TTC34: variants seen among roughly 807,000 people sequenced by gnomAD.
The protein encoded by TTC34 is tetratricopeptide repeat protein 34.
A neutral mutation model predicts 40.7 loss-of-function variants in TTC34; 44 were observed. The ratio of observed to expected loss-of-function variants is 1.08; its 90% confidence interval spans 0.85 to 1.39. The LOEUF is 1.39. TTC34 is among the 40% of genes most tolerant of loss of function. The probability of loss-of-function intolerance (pLI) is 0.00; values close to 1 mark genes in which losing one functional copy is unlikely to be tolerated. For synonymous variants in TTC34, 422 were observed against 398.6 expected (o/e 1.06, Z -0.70); for missense variants, 884 against 838.0 (o/e 1.05, Z -0.68).
At chr1:2,787,554 G>A in exon 4 of TTC34, 1 of 1,542,938 alleles carries the variant, frequency 6.5e-7, no homozygotes, top group Non-Finnish European at 8.8e-7. Flanking sequence ...GGCTGCCTGG[G>A]GCCTCCGGGA....
At chr1:2,783,857 CAG>C in intron 5 of TTC34, 82 bp from the exon 6 acceptor site, 1 of 1,295,414 alleles carries the variant, frequency 7.7e-7, no homozygotes, top group Non-Finnish European at 1.0e-6. Context: ...CCGGGGAGGG[CAG>C]AGGGTGCATG....
Position 2,797,992 on chromosome 1 carries a change from C to T in TTC34, c.784+2052G>A, listed in dbSNP as rs183105461. Among the ~76,000 whole-genome samples, 4 of 152,082 alleles carry T rather than the reference C, an allele frequency of 2.6e-5. No individual in the cohort carries two copies. In the East Asian group the frequency reaches 7.7e-4, roughly 29 times the overall value. On this transcript the variant is annotated intron_variant, in intron 2 of 8. Transcript: ENST00000401095. ...CATCAACTCTCTCCTGAACCATTGT[C>T]CCAGCCTCCCAGTCTCTCAGCTGCC... is the stretch of plus-strand genomic sequence containing the variant.
chr1:2,643,431 G>T (rs1303173379), intron 8 of TTC34, among the ~76,000 whole-genome samples: 1 of 152,140 alleles, frequency 6.6e-6, no homozygotes, highest in African/African-American at 2.4e-5. Context: ...CCCCGTTCAG[G>T]AGACCCCATC....
chr1:2,687,943 G>C (rs549205848), intron 6 of TTC34, among the ~76,000 whole-genome samples: 2 of 149,238 alleles, frequency 1.3e-5, no homozygotes, highest in East Asian at 3.9e-4. Context: ...GTGAGCCTCT[G>C]ACAGCCTGGA....
intron 6 of TTC34, among the ~76,000 whole-genome samples, chr1:2,683,232 C>T (rs1366833845): frequency 2.8e-5 from 3 of 108,018 alleles, no homozygotes; most frequent in African/African-American, 3.8e-5. Flanking sequence ...CACCCACACC[C>T]CCAAGTGAGC....
At chr1:2,750,716 A>G (rs1224872504) in intron 6 of TTC34, among the ~76,000 whole-genome samples, 327 of 112,568 alleles carry the variant, frequency 2.9e-3, no homozygotes, top group South Asian at 4.9e-3. Context: ...AGCCTGGAGC[A>G]GCACCCACAC....
chr1:2,686,713 G>C (rs1640368966), intron 6 of TTC34, among the ~76,000 whole-genome samples: 1 of 142,560 alleles, frequency 7.0e-6, no homozygotes, highest in Admixed American at 7.0e-5. Flanking sequence ...GCCTGGAACA[G>C]CACACACACC....
chr1:2,644,735 C>A (rs541666104), intron 7 of TTC34, among the ~76,000 whole-genome samples: 4 of 152,332 alleles, frequency 2.6e-5, no homozygotes, highest in African/African-American at 7.2e-5. Context: ...CTCTCCCGGG[C>A]AACTAGAGGC....
intron 6 of TTC34, among the ~76,000 whole-genome samples, chr1:2,753,118 T>A (rs1468895691): frequency 2.1e-4 from 26 of 125,306 alleles, no homozygotes; most frequent in African/African-American, 7.9e-4. Context: ...TCCGACAGCC[T>A]GGAACAGCAC....
intron 6 of TTC34, among the ~76,000 whole-genome samples, chr1:2,683,439 G>A (rs1315085845): frequency 1.1e-3 from 119 of 106,788 alleles, no homozygotes; most frequent in Middle Eastern, 4.5e-3. Flanking sequence ...TCACCCCCAG[G>A]TGAGCATCCG....
intron 6 of TTC34, among the ~76,000 whole-genome samples, chr1:2,750,974 T>G (rs1265708678): frequency 2.2e-4 from 23 of 102,990 alleles, no homozygotes; most frequent in Non-Finnish European, 3.4e-4. Flanking sequence ...CACCCCCAGG[T>G]GCGCATGTGA....
At chr1:2,692,733 CAGCACCCTGCA>C (rs1640684250) in intron 6 of TTC34, among the ~76,000 whole-genome samples, 1 of 73,106 alleles carries the variant, frequency 1.4e-5, no homozygotes, top group Non-Finnish European at 2.8e-5. Context: ...GAGCCTGGAA[CAGCACCCTGCA>C]CCCCCAGGTG....
rs1263242009 is a variant in TTC34, at chr1:2,683,725, C to G, written c.2227-38162G>C. Among the ~76,000 whole-genome samples the G allele has an allele frequency of 2.1e-5, 3 of 145,900 alleles. No individual in the cohort carries two copies. In the East Asian group the frequency reaches 6.2e-4, roughly 30 times the overall value. On this transcript the variant is annotated intron_variant, in intron 6 of 8. Transcript: ENST00000401095. Reference sequence around the variant, plus strand: ...AACAGCACCCACACCCCCAGGTGAGCAGCTGATATCCTGGAACAGCACCCA... The same window carrying G: ...AACAGCACCCACACCCCCAGGTGAGGAGCTGATATCCTGGAACAGCACCCA...
intron 6 of TTC34, among the ~76,000 whole-genome samples, chr1:2,771,462 C>T (rs1250470254): frequency 2.5e-5 from 2 of 80,888 alleles, no homozygotes; most frequent in African/African-American, 8.8e-5. Context: ...GAGCATCTGA[C>T]AGTCTGGAAC....
rs1638910388 is a variant in TTC34 at position 2,641,749 on chromosome 1, A to C, written c.2859T>G (p.Phe953Leu). Residue 953 changes from phenylalanine (F) to leucine (L), a missense_variant, in exon 9 of 9, where the codon TTT becomes TTG. Physicochemically the swap from Phe to Leu is conservative, Grantham distance 22. Transcript: ENST00000401095. Reference sequence around the variant, plus strand: ...GGTCCAGGTCCCTAAGGGCCCGGCCAAACTCCTGCAACTCGGCCAGGCAGG... The same window carrying C: ...GGTCCAGGTCCCTAAGGGCCCGGCCCAACTCCTGCAACTCGGCCAGGCAGG... 6 of 1,535,178 alleles carry C rather than the reference A, an allele frequency of 3.9e-6. No homozygotes were observed. In the South Asian group the frequency reaches 6.0e-5, roughly 15 times the overall value.
chr1:2,695,827 C>CCTGGAGCAGA (rs1557626185), intron 6 of TTC34, among the ~76,000 whole-genome samples: 1 of 151,016 alleles, frequency 6.6e-6, no homozygotes, highest in Non-Finnish European at 1.5e-5. Flanking sequence ...CCTGGAACAG[C>CCTGGAGCAGA]ATCCACACCC....
At chr1:2,750,082 C>A (rs1247954066) in intron 6 of TTC34, among the ~76,000 whole-genome samples, 20 of 46,928 alleles carry the variant, frequency 4.3e-4, no homozygotes, top group East Asian at 2.2e-3. Context: ...GCAGCAGGCA[C>A]ACCCCCAGTG....
Position 2,652,766 on chromosome 1 carries a change from C to T in TTC34, c.2227-7203G>A, listed in dbSNP as rs1490158080. 2.1e-5 allele frequency among the ~76,000 whole-genome samples: 3 copies of T among 142,794 alleles called. No homozygotes were observed. The East Asian group carries it at 6.4e-4, about 31-fold the overall frequency. The allele number at this position is 142,794 out of a possible 152,430, so 93.7% of individuals were successfully genotyped here. A position where few individuals can be genotyped will look rare whatever the true frequency, so the allele number is the denominator to read the frequency against. On this transcript the variant is annotated intron_variant, in intron 6 of 8. Coordinates refer to ENST00000401095, the Ensembl canonical transcript of TTC34. ...TGACAGACTGGAACAGCACCCTGCA[C>T]CCCCAGGTGAGCATCCGACAGCCTG... is the stretch of plus-strand genomic sequence containing the variant.
exon 9 of TTC34, chr1:2,637,567 A>G (rs569896468): frequency 2.6e-5 from 4 of 152,326 alleles, no homozygotes; most frequent in African/African-American, 9.6e-5. Flanking sequence ...GCCATCCCCC[A>G]TGCTGGCTGT....
Sources: gnomAD v4.1 joint callset for allele counts (sites outside exome capture counted in the v4.1 genomes callset) on GRCh38, gnomAD v4.1.1 for gene constraint, MANE v1.5 for transcripts, NCBI Gene and HGNC (gene_info 2026-07-23, HGNC 2026-07-21) for gene names.